The following CCDC60 variants were observed in gnomAD, a reference collection of about 807,000 sequenced individuals.
CCDC60 encodes the protein coiled-coil domain-containing protein 60.
CCDC60 carries 54 observed loss-of-function variants against 63.5 expected under a neutral mutation model. The observed-to-expected ratio is 0.85, with a 90% CI of 0.68 to 1.07. The LOEUF (loss-of-function observed/expected upper bound fraction) is 1.07, where lower values mean the gene tolerates loss of function less well. Ranked by LOEUF, CCDC60 falls within the 50% of genes least tolerant of loss-of-function variation. CCDC60 has a pLI of 0.00. For synonymous variants in CCDC60, 206 were observed against 238.8 expected (o/e 0.86, Z 1.27); for missense variants, 651 against 684.3 (o/e 0.95, Z 0.54).
At chr12:119,471,912 C>T in intron 2 of CCDC60, 82 bp from the exon 3 acceptor site, 1 of 1,146,422 alleles carries the variant, frequency 8.7e-7, no homozygotes. Flanking sequence ...CTCTCTCTTT[C>T]TTTCTCTCCT....
intron 2 of CCDC60, among the ~76,000 whole-genome samples, chr12:119,450,619 G>A (rs1000188550): frequency 6.6e-6 from 1 of 152,156 alleles, no homozygotes. Flanking sequence ...AGCACTTTGG[G>A]AGGCCGAGGT....
At chr12:119,521,654 C>A (rs1289603611) in intron 9 of CCDC60, among the ~76,000 whole-genome samples, 2 of 152,098 alleles carry the variant, frequency 1.3e-5, no homozygotes, top group Admixed American at 6.6e-5. Flanking sequence ...AGGTGGGGGG[C>A]ACAGAGTGAG....
At chr12:119,396,527 C>G (rs1956258118) in intron 1 of CCDC60, among the ~76,000 whole-genome samples, 1 of 152,000 alleles carries the variant, frequency 6.6e-6, no homozygotes, top group South Asian at 2.1e-4. Flanking sequence ...TGGTGTGGGC[C>G]CTTTCCCAGA....
intron 8 of CCDC60, among the ~76,000 whole-genome samples, chr12:119,516,913 G>A (rs1952369687): frequency 6.6e-6 from 1 of 152,208 alleles, no homozygotes; most frequent in African/African-American, 2.4e-5. Flanking sequence ...GAGGCTCAGA[G>A]AGCCTATGTG....
chr12:119,482,234 G>T (rs971771310), intron 4 of CCDC60, among the ~76,000 whole-genome samples: 8 of 150,968 alleles, frequency 5.3e-5, no homozygotes, highest in African/African-American at 1.7e-4. Context: ...ATTTGGGTTG[G>T]TTCCACATTT....
At chr12:119,518,167 C>T (rs527588697) in intron 8 of CCDC60, among the ~76,000 whole-genome samples, 42 of 152,238 alleles carry the variant, frequency 2.8e-4, no homozygotes, top group African/African-American at 8.9e-4. Context: ...CACTCAGAGA[C>T]AATGCTGACC....
chr12:119,427,664 A>G (rs943271318), intron 1 of CCDC60, among the ~76,000 whole-genome samples: 4 of 152,170 alleles, frequency 2.6e-5, no homozygotes, highest in African/African-American at 9.7e-5. Flanking sequence ...AAATGCCAGC[A>G]CAAAGTATTT....
chr12:119,357,743 C>T (rs926897181), intron 1 of CCDC60, among the ~76,000 whole-genome samples: 1 of 152,132 alleles, frequency 6.6e-6, no homozygotes, highest in African/African-American at 2.4e-5. Context: ...GGTGAGCCAC[C>T]GTGCCTGGCT....
At chr12:119,408,677 T>G (rs1956538048) in intron 1 of CCDC60, among the ~76,000 whole-genome samples, 1 of 151,908 alleles carries the variant, frequency 6.6e-6, no homozygotes, top group African/African-American at 2.4e-5. Context: ...ATACAAAAAA[T>G]TAGCCAGGCG....
chr12:119,525,267 A>G (rs760219742), intron 11 of CCDC60, among the ~76,000 whole-genome samples: 1 of 152,214 alleles, frequency 6.6e-6, no homozygotes, highest in Non-Finnish European at 1.5e-5. Flanking sequence ...ACCTTGCTAG[A>G]GAAGCCAATA....
chr12:119,516,131 A>C lies in CCDC60; in HGVS notation c.884-492A>C, dbSNP rs537378756. 2.1e-4 allele frequency among the ~76,000 whole-genome samples: 32 copies of C among 152,114 alleles called. 1 individual carries two copies. The highest frequency in any genetic ancestry group is 7.7e-4 in the African/African-American group (32 of 41,504). On this transcript the variant is annotated intron_variant, in intron 7 of 13. Transcript: ENST00000327554. Reference sequence around the variant, plus strand: ...TATTATTGTTATTATTTTGATTCAGAGTCTAACTGTATCACCCAGGCTGGA... The same window carrying C: ...TATTATTGTTATTATTTTGATTCAGCGTCTAACTGTATCACCCAGGCTGGA...
At chr12:119,507,607 T>A (rs1593190191) in intron 7 of CCDC60, among the ~76,000 whole-genome samples, 1 of 33,768 alleles carries the variant, frequency 3.0e-5, no homozygotes, top group African/African-American at 1.8e-4. Flanking sequence ...TATATATATA[T>A]ATATATATTT....
chr12:119,371,552 G>A (rs1014891221), intron 1 of CCDC60, among the ~76,000 whole-genome samples: 4 of 152,224 alleles, frequency 2.6e-5, no homozygotes, highest in Non-Finnish European at 5.9e-5. Context: ...CATGTCTACC[G>A]CTTAAAAGCC....
At chr12:119,406,555 A>G (rs901968430) in intron 1 of CCDC60, among the ~76,000 whole-genome samples, 1 of 152,216 alleles carries the variant, frequency 6.6e-6, no homozygotes, top group Non-Finnish European at 1.5e-5. Context: ...CATACATTGC[A>G]ATGCTAGAAT....
At chr12:119,460,745 AT>A (rs1214412837) in intron 2 of CCDC60, among the ~76,000 whole-genome samples, 1 of 152,200 alleles carries the variant, frequency 6.6e-6, no homozygotes. Context: ...AAGGAGACAC[AT>A]GTCCAAGTCC....
intron 6 of CCDC60, among the ~76,000 whole-genome samples, chr12:119,500,670 A>G (rs1951831550): frequency 6.6e-6 from 1 of 152,060 alleles, no homozygotes; most frequent in Non-Finnish European, 1.5e-5. Context: ...CCTGGGCAAC[A>G]TAGCAAGACC....
At chr12:119,417,551 C>T (rs533437865) in intron 1 of CCDC60, among the ~76,000 whole-genome samples, 1 of 152,208 alleles carries the variant, frequency 6.6e-6, no homozygotes, top group South Asian at 2.1e-4. Flanking sequence ...TACTTCTGCT[C>T]TATTAGATAC....
At chr12:119,364,566 C>G (rs1020222285) in intron 1 of CCDC60, among the ~76,000 whole-genome samples, 1 of 151,590 alleles carries the variant, frequency 6.6e-6, no homozygotes, top group African/African-American at 2.4e-5. Flanking sequence ...GGCCTGCTCT[C>G]TTTTATTACT....
At chr12:119,341,614 G>T (rs1359706844) in intron 1 of CCDC60, among the ~76,000 whole-genome samples, 1 of 152,168 alleles carries the variant, frequency 6.6e-6, no homozygotes, top group Non-Finnish European at 1.5e-5. Flanking sequence ...TGGTGACATG[G>T]TCATTATTGT....
Sources: gnomAD v4.1 joint callset for allele counts (sites outside exome capture counted in the v4.1 genomes callset) on GRCh38, gnomAD v4.1.1 for gene constraint, MANE v1.5 for transcripts, NCBI Gene and HGNC (gene_info 2026-07-23, HGNC 2026-07-21) for gene names.